LRRC4B: variants seen among roughly 807,000 people sequenced by gnomAD.
LRRC4B encodes leucine-rich repeat-containing protein 4B.
LRRC4B carries 1 observed loss-of-function variant against 7.3 expected under a neutral mutation model. The ratio of observed to expected loss-of-function variants is 0.14; its 90% confidence interval spans 0.05 to 0.65. LRRC4B has a LOEUF of 0.65. Ranked by LOEUF, LRRC4B falls within the 30% of genes least tolerant of loss-of-function variation. The probability of loss-of-function intolerance (pLI) is 0.84; values close to 1 mark genes in which losing one functional copy is unlikely to be tolerated. For synonymous variants in LRRC4B, 500 were observed against 499.2 expected, an observed-to-expected ratio of 1.00 and a Z score of -0.02; for missense variants, 730 against 1,041.6, an observed-to-expected ratio of 0.70 and a Z score of 4.12.
chr19:50,544,640 A>G (rs1981719912), intron 2 of LRRC4B, among the ~76,000 whole-genome samples: 1 of 152,252 alleles, frequency 6.6e-6, no homozygotes, highest in Admixed American at 6.5e-5. Flanking sequence ...AAGACACCAA[A>G]GCGAAGGAGA....
chr19:50,555,772 TGGGG>T lies in LRRC4B; in HGVS notation c.-35-6903_-35-6900del, dbSNP rs1982254569. On this transcript the variant is annotated intron_variant, in intron 1 of 2. Transcript: ENST00000652263. The surrounding 1 kb of genome is among the most constrained non-coding windows in gnomAD (Gnocchi z 5.2). ...GTTCCTGTCAGGCGCACTCATTTTT[TGGGG>T]TGGGGTGGGGGGCTAAATTCAGACG... 1 of 148,970 alleles carries T rather than the reference TGGGG, an allele frequency of 6.7e-6. No individual in the cohort carries two copies. The highest frequency in any genetic ancestry group is 2.5e-5 in the African/African-American group (1 of 40,204). 9.2% of individuals were successfully genotyped at this position (148,970 alleles called of 1,614,324 possible). A position where few individuals can be genotyped will look rare whatever the true frequency, so the allele number is the denominator to read the frequency against.
Position 50,517,787 on chromosome 19 carries a change from A to G in LRRC4B, c.1926T>C (p.Gly642=), listed in dbSNP as rs570528320. ...CCAGGTGGCTGTCCCCGCCCACACCACCCCCACTGGCCACGGCGGCCGCGG... is the reference window on the plus strand; with the variant it reads ...CCAGGTGGCTGTCCCCGCCCACACCGCCCCCACTGGCCACGGCGGCCGCGG... The part of the protein sequence containing the change: ...VAAAAAVASG[G]GVGGDSHLAL... The change falls in exon 3 of 3, where the codon GGT becomes GGC. Residue 642 remains glycine, a synonymous_variant. Coordinates refer to ENST00000652263, the MANE Select transcript of LRRC4B (RefSeq NM_001080457.2). The surrounding 1 kb of genome is among the most constrained non-coding windows in gnomAD (Gnocchi z 6.6). The G allele has an allele frequency of 9.2e-6, 14 of 1,524,936 alleles. No individual in the cohort carries two copies. The highest frequency in any genetic ancestry group is 1.2e-5 in the Non-Finnish European group (14 of 1,143,086). 94.5% of individuals were successfully genotyped at this position (1,524,936 alleles called of 1,614,324 possible).
In LRRC4B at chr19:50,540,843, A is replaced by G. The variant is rs149377850; in HGVS notation, c.297+7699T>C. Among the ~76,000 whole-genome samples, 1,105 of 151,948 alleles carry G rather than the reference A, an allele frequency of 7.3e-3. 18 individuals carry two copies. The highest frequency in any genetic ancestry group is 0.025 in the African/African-American group (1,056 of 41,438). ...CCACTGATTCTACATTATAGTGAGT[A>G]GTATAATTATTTTATTATACATTAC... On this transcript the variant is annotated intron_variant, in intron 2 of 2. Transcript: ENST00000652263.
At chr19:50,561,678 T>G (rs1173291822) in intron 1 of LRRC4B, among the ~76,000 whole-genome samples, 2 of 152,168 alleles carry the variant, frequency 1.3e-5, no homozygotes, top group African/African-American at 4.8e-5. Flanking sequence ...AAGGCTGCAG[T>G]GAGCTGTGGT....
chr19:50,559,500 C>T (rs183587023), intron 1 of LRRC4B, among the ~76,000 whole-genome samples: 30 of 152,308 alleles, frequency 2.0e-4, no homozygotes, highest in Middle Eastern at 6.8e-3. Context: ...TGGGATGGGG[C>T]GGCTTAACAC....
At chr19:50,522,880 C>G (rs1045084744) in intron 2 of LRRC4B, among the ~76,000 whole-genome samples, 4 of 152,234 alleles carry the variant, frequency 2.6e-5, no homozygotes, top group Non-Finnish European at 5.9e-5. Flanking sequence ...AAAACCTATA[C>G]TATCTATTAC....
chr19:50,552,643 T>C (rs1055412886), intron 1 of LRRC4B, among the ~76,000 whole-genome samples: 8 of 107,158 alleles, frequency 7.5e-5, no homozygotes, highest in Non-Finnish European at 1.4e-4. Context: ...CATCCGCCCA[T>C]CCGTCCATCC....
chr19:50,542,315 C>T (rs551950739), intron 2 of LRRC4B, among the ~76,000 whole-genome samples: 80 of 152,194 alleles, frequency 5.3e-4, no homozygotes, highest in African/African-American at 1.7e-3. Context: ...GATCTGCACC[C>T]GGTCTTCTCC....
At chr19:50,528,950 G>T (rs939252527) in intron 2 of LRRC4B, among the ~76,000 whole-genome samples, 5 of 152,166 alleles carry the variant, frequency 3.3e-5, no homozygotes, top group African/African-American at 1.2e-4. Flanking sequence ...GACTGTGCCT[G>T]GGCATGAGGC....
intron 2 of LRRC4B, among the ~76,000 whole-genome samples, chr19:50,523,594 C>T (rs138830834): frequency 5.8e-4 from 88 of 151,372 alleles, no homozygotes; most frequent in African/African-American, 1.9e-3. Context: ...AAGAGGGAGG[C>T]GGAGGTTGCA....
At chr19:50,562,074 C>T (rs958885446) in intron 1 of LRRC4B, among the ~76,000 whole-genome samples, 5 of 150,804 alleles carry the variant, frequency 3.3e-5, no homozygotes, top group South Asian at 4.2e-4. Flanking sequence ...GCCGAGATCG[C>T]GCCACTGCAC....
intron 1 of LRRC4B, among the ~76,000 whole-genome samples, chr19:50,559,565 T>G (rs1052869599): frequency 1.3e-5 from 2 of 152,194 alleles, no homozygotes; most frequent in Non-Finnish European, 1.5e-5. Flanking sequence ...GCATTGGTGG[T>G]TTTTACAACA....
chr19:50,564,128 T>A (rs1265928897), intron 1 of LRRC4B, among the ~76,000 whole-genome samples: 1 of 152,024 alleles, frequency 6.6e-6, no homozygotes, highest in Admixed American at 6.5e-5. Flanking sequence ...GGGAAGATGA[T>A]CCCGATGCTG....
intron 1 of LRRC4B, among the ~76,000 whole-genome samples, chr19:50,564,408 G>C (rs1470421133): frequency 2.0e-5 from 3 of 152,052 alleles, no homozygotes; most frequent in South Asian, 4.2e-4. Context: ...AGGCAGACAG[G>C]CTGGCAGGAA....
At chr19:50,552,590 G>GTCCA (rs71182735) in intron 1 of LRRC4B, among the ~76,000 whole-genome samples, 1,553 of 110,422 alleles carry the variant, frequency 0.014, 39 homozygotes, top group African/African-American at 0.046. Flanking sequence ...CCATCCATCT[G>GTCCA]TCCATCCATC....
chr19:50,536,157 GGA>G (rs1344410946), intron 2 of LRRC4B, among the ~76,000 whole-genome samples: 1 of 149,630 alleles, frequency 6.7e-6, no homozygotes, highest in Non-Finnish European at 1.5e-5. Flanking sequence ...TTTTTATGAT[GGA>G]GTCTCGCTCT....
intron 2 of LRRC4B, among the ~76,000 whole-genome samples, chr19:50,535,908 AAAC>A (rs1981261279): frequency 6.6e-6 from 1 of 152,206 alleles, no homozygotes; most frequent in African/African-American, 2.4e-5. Context: ...ACCTGGGTGT[AAAC>A]AACAAGGGGA....
rs201408428 is a variant in LRRC4B at position 50,551,889 on chromosome 19, CCTT to C, written c.-35-3019_-35-3017del. 1.6e-3 allele frequency among the ~76,000 whole-genome samples: 238 copies of C among 145,432 alleles called. 2 individuals are homozygous for C. Among genetic ancestry groups the C allele is most frequent in the African/African-American group, 5.6e-3 (224 of 40,322 alleles). On this transcript the variant is annotated intron_variant, in intron 1 of 2. Transcript: ENST00000652263. ...CCCACCCCTCCCTCCTTCTTTCTCT[CCTT>C]CTGAACGGGGAGGGCGCCTCTCCTC...
At chr19:50,561,020 G>A (rs576927880) in intron 1 of LRRC4B, among the ~76,000 whole-genome samples, 1 of 152,274 alleles carries the variant, frequency 6.6e-6, no homozygotes, top group East Asian at 1.9e-4. Flanking sequence ...GAACCTGGGA[G>A]GTGGAGGTTG....
Sources: gnomAD v4.1 joint callset for allele counts (sites outside exome capture counted in the v4.1 genomes callset) on GRCh38, gnomAD v4.1.1 for gene constraint, Gnocchi (gnomAD v3.1) non-coding constraint, MANE v1.5 for transcripts, NCBI Gene and HGNC (gene_info 2026-07-23, HGNC 2026-07-21) for gene names.